The following B3GALT1 variants were observed in gnomAD, a reference collection of about 807,000 sequenced individuals.
B3GALT1 encodes beta-1,3-galactosyltransferase 1, also known as UDP-Gal:betaGlcNAc beta 1,3-galactosyltransferase, polypeptide 1.
B3GALT1 carries 10 observed loss-of-function variants against 23.2 expected under a neutral mutation model. The ratio of observed to expected loss-of-function variants is 0.43; its 90% CI spans 0.27 to 0.73. The LOEUF (loss-of-function observed/expected upper bound fraction) is 0.73, where lower values mean the gene tolerates loss of function less well. Ranked by LOEUF, B3GALT1 falls within the 30% of genes least tolerant of loss-of-function variation. The probability of loss-of-function intolerance (pLI) is 0.21; values close to 1 mark genes in which losing one functional copy is unlikely to be tolerated. For missense variants in B3GALT1, 299 were observed against 405.4 expected (o/e 0.74, Z 2.25); for synonymous variants, 156 against 141.5 (o/e 1.10, Z -0.73).
In B3GALT1 at chr2:167,869,540, T is replaced by C. The variant is rs1463426167; in HGVS notation, c.501T>C (p.Cys167=). The change falls in exon 5 of 5, where the codon TGT becomes TGC. Residue 167 remains cysteine, a synonymous_variant. Coordinates refer to ENST00000392690, the MANE Select transcript of B3GALT1 (RefSeq NM_020981.4). The surrounding 1 kb of genome is among the most constrained non-coding windows in gnomAD (Gnocchi z 6.4). ...GGATGAGATGGGTGGCCACTTTTTGTTCAAAAGCCAAGTATGTCATGAAAA... is the reference window on the plus strand; with the variant it reads ...GGATGAGATGGGTGGCCACTTTTTGCTCAAAAGCCAAGTATGTCATGAAAA... ...LMGMRWVATF[C]SKAKYVMKTD... 1.2e-6 allele frequency: 2 copies of C among 1,614,134 alleles called. No individual in the cohort carries two copies. Among genetic ancestry groups the C allele is most frequent in the Non-Finnish European group, 1.7e-6 (2 of 1,180,028 alleles).
At chr2:167,513,904 AT>A (rs1210677997) in intron 2 of B3GALT1, among the ~76,000 whole-genome samples, 1 of 151,676 alleles carries the variant, frequency 6.6e-6, no homozygotes, top group Non-Finnish European at 1.5e-5. Flanking sequence ...TTGTATGTAT[AT>A]TTATTTATTT....
intron 1 of B3GALT1, among the ~76,000 whole-genome samples, chr2:167,391,022 T>C (rs1698008979): frequency 6.6e-6 from 1 of 152,180 alleles, no homozygotes; most frequent in Admixed American, 6.5e-5. Flanking sequence ...ACTATGAAAC[T>C]TGCTTTAAGA....
rs1365448736 is a variant in B3GALT1, at chr2:167,870,076, G to T, written c.*56G>T. 8.1e-6 allele frequency: 12 copies of T among 1,488,052 alleles called. No homozygotes were observed. Among genetic ancestry groups the T allele is most frequent in the East Asian group, 2.3e-5 (1 of 43,686 alleles). The allele number at this position is 1,488,052 out of a possible 1,614,324, so 92.2% of individuals were successfully genotyped here. ...CTTTTTTTAAGAAATGGGACCTAAG[G>T]TGTTGGTATTTTCCAGGTGTCGGGG... On this transcript the variant is annotated 3_prime_UTR_variant, in exon 5 of 5. Transcript: ENST00000392690.
At chr2:167,353,282 G>C (rs1697346237) in intron 1 of B3GALT1, among the ~76,000 whole-genome samples, 1 of 152,138 alleles carries the variant, frequency 6.6e-6, no homozygotes, top group South Asian at 2.1e-4. Flanking sequence ...GAGGTCTTGA[G>C]GTGGTGTATT....
intron 3 of B3GALT1, among the ~76,000 whole-genome samples, chr2:167,782,431 TA>T (rs1474523375): frequency 2.0e-5 from 3 of 152,220 alleles, no homozygotes; most frequent in African/African-American, 4.8e-5. Context: ...TGGCATCATC[TA>T]ATACACCTCA....
At chr2:167,417,307 A>G (rs1208828745) in intron 1 of B3GALT1, among the ~76,000 whole-genome samples, 1 of 152,154 alleles carries the variant, frequency 6.6e-6, no homozygotes, top group African/African-American at 2.4e-5. Context: ...CAAGAAGAAA[A>G]GAGGCCTGAG....
chr2:167,836,600 T>G (rs1414080759), intron 4 of B3GALT1, among the ~76,000 whole-genome samples: 1 of 147,760 alleles, frequency 6.8e-6, no homozygotes, highest in Non-Finnish European at 1.5e-5. Flanking sequence ...TGGAAAACAC[T>G]CTGCAGGATA....
intron 1 of B3GALT1, among the ~76,000 whole-genome samples, chr2:167,351,660 A>G (rs572201234): frequency 1.3e-5 from 2 of 152,320 alleles, no homozygotes; most frequent in Non-Finnish European, 2.9e-5. Context: ...TTTCATGTGT[A>G]ATGAACAACA....
chr2:167,387,314 A>T (rs779138181), intron 1 of B3GALT1, among the ~76,000 whole-genome samples: 1 of 152,176 alleles, frequency 6.6e-6, no homozygotes. Context: ...AGTTGGGAAA[A>T]ATCTAATAAA....
chr2:167,537,683 A>C (rs1438081452), intron 2 of B3GALT1, among the ~76,000 whole-genome samples: 1 of 151,980 alleles, frequency 6.6e-6, no homozygotes, highest in East Asian at 1.9e-4. Context: ...TACCTCAGAA[A>C]TTTTCTGACC....
chr2:167,500,715 GTC>G (rs1223775219), intron 2 of B3GALT1, among the ~76,000 whole-genome samples: 4 of 152,074 alleles, frequency 2.6e-5, no homozygotes, highest in Admixed American at 1.3e-4. Flanking sequence ...GCATCAATAA[GTC>G]TTTAACGATG....
At position 167,870,821 on chromosome 2, in the gene B3GALT1, G is replaced by A. The variant is rs369371514; in HGVS notation, c.*801G>A. ...CACCTGCTTCCTTCCAGACAGTGTC[G>A]CTAAGTGCATTTCACAGTTTTTGGA... On this transcript the variant is annotated 3_prime_UTR_variant, in exon 5 of 5. Coordinates refer to ENST00000392690, the MANE Select transcript of B3GALT1 (RefSeq NM_020981.4). 1 of 166,474 alleles carries A rather than the reference G, an allele frequency of 6.0e-6. No homozygotes were observed. Among genetic ancestry groups the A allele is most frequent in the Non-Finnish European group, 1.5e-5 (1 of 68,084 alleles). 10.3% of individuals were successfully genotyped at this position (166,474 alleles called of 1,614,324 possible). A position where few individuals can be genotyped will look rare whatever the true frequency, so the allele number is the denominator to read the frequency against.
At chr2:167,389,742 G>T (rs903777148) in intron 1 of B3GALT1, among the ~76,000 whole-genome samples, 3 of 152,074 alleles carry the variant, frequency 2.0e-5, no homozygotes, top group Admixed American at 6.5e-5. Context: ...GGATGGCCAG[G>T]TGAATTATCA....
At chr2:167,654,849 A>C (rs1174349632) in intron 3 of B3GALT1, among the ~76,000 whole-genome samples, 1 of 150,746 alleles carries the variant, frequency 6.6e-6, no homozygotes, top group African/African-American at 2.4e-5. Flanking sequence ...CTTGACTCTC[A>C]GATTCTGTAA....
chr2:167,693,495 C>T (rs1461506690), intron 3 of B3GALT1, among the ~76,000 whole-genome samples: 1 of 152,048 alleles, frequency 6.6e-6, no homozygotes, highest in African/African-American at 2.4e-5. Flanking sequence ...GAGTGGCAAA[C>T]ACTGTCTGCT....
intron 2 of B3GALT1, among the ~76,000 whole-genome samples, chr2:167,604,953 G>A (rs1256113242): frequency 1.3e-5 from 2 of 152,220 alleles, no homozygotes; most frequent in Non-Finnish European, 2.9e-5. Flanking sequence ...GCTTTTTATA[G>A]TCATTTAAGA....
Position 167,752,667 on chromosome 2 carries a change from A to T in B3GALT1, c.-351-66005A>T, listed in dbSNP as rs1488322252. ...AAGATTTGTCTGAGAGGAAAAGTGCACTCGGATTCTTAGAAATTAACATCT... is the reference window on the plus strand; with the variant it reads ...AAGATTTGTCTGAGAGGAAAAGTGCTCTCGGATTCTTAGAAATTAACATCT... On this transcript the variant is annotated intron_variant, in intron 3 of 4. Transcript: ENST00000392690. Among the ~76,000 whole-genome samples, 5 of 146,050 alleles carry T rather than the reference A, an allele frequency of 3.4e-5. No individual in the cohort carries two copies. In the East Asian group the frequency reaches 1.0e-3, roughly 30 times the overall value.
Position 167,366,841 on chromosome 2 carries a change from C to T in B3GALT1, c.-511+73507C>T, listed in dbSNP as rs115270355. Among the ~76,000 whole-genome samples, 698 of 152,334 alleles carry T rather than the reference C, an allele frequency of 4.6e-3. 7 individuals are homozygous for T. The highest frequency in any genetic ancestry group is 0.023 in the South Asian group (111 of 4,828). ...CTATCAGCTAGAAACTTCAGACCTC[C>T]TCCTCCTGGAGCTCTCCATGAGACT... is the stretch of plus-strand genomic sequence containing the variant. On this transcript the variant is annotated intron_variant, in intron 1 of 4. Transcript: ENST00000392690.
At chr2:167,361,775 C>A (rs1312373164) in intron 1 of B3GALT1, among the ~76,000 whole-genome samples, 2 of 151,990 alleles carry the variant, frequency 1.3e-5, no homozygotes, top group Admixed American at 1.3e-4. Flanking sequence ...CCTTCTTTGT[C>A]CAAAATCAGA....
Sources: gnomAD v4.1 joint callset for allele counts (sites outside exome capture counted in the v4.1 genomes callset) on GRCh38, gnomAD v4.1.1 for gene constraint, Gnocchi (gnomAD v3.1) non-coding constraint, MANE v1.5 for transcripts, NCBI Gene and HGNC (gene_info 2026-07-23, HGNC 2026-07-21) for gene names.